Variants in HSD17B2 observed in about 807,000 individuals in gnomAD.
HSD17B2 encodes 17-beta-hydroxysteroid dehydrogenase type 2.
A neutral mutation model predicts 26.9 loss-of-function variants in HSD17B2; 32 were observed. The ratio of observed to expected loss-of-function variants is 1.19; its 90% CI spans 0.90 to 1.60. HSD17B2 has a LOEUF of 1.60. Ranked by LOEUF, HSD17B2 falls within the 40% of genes most tolerant of loss-of-function variation. The pLI is 0.00. For missense variants in HSD17B2, 613 were observed against 468.6 expected (o/e 1.31, Z -2.85); for synonymous variants, 246 against 186.7 (o/e 1.32, Z -2.59).
At chr16:82,077,001 A>G (rs1904305886) in intron 3 of HSD17B2, among the ~76,000 whole-genome samples, 1 of 152,226 alleles carries the variant, frequency 6.6e-6, no homozygotes, top group South Asian at 2.1e-4. Context: ...TATAATATTG[A>G]TGAAAGAAAT....
intron 4 of HSD17B2, chr16:82,091,729 G>C (rs1282301456): frequency 2.0e-5 from 3 of 152,940 alleles, no homozygotes; most frequent in Non-Finnish European, 4.4e-5. Flanking sequence ...GGTTGGGAAG[G>C]GGTTGTCATG....
At chr16:82,043,684 CAAA>C (rs398030034) in intron 1 of HSD17B2, among the ~76,000 whole-genome samples, 7 of 22,546 alleles carry the variant, frequency 3.1e-4, no homozygotes, top group African/African-American at 1.4e-3. Context: ...AACTCTGTCT[CAAA>C]AAAAAAAAAA....
At chr16:82,039,922 G>T (rs531371358) in intron 1 of HSD17B2, among the ~76,000 whole-genome samples, 9 of 152,274 alleles carry the variant, frequency 5.9e-5, no homozygotes, top group African/African-American at 2.2e-4. Context: ...GGCAGACACA[G>T]GTCTTGTGTG....
At chr16:82,071,325 T>C (rs779184711) in intron 3 of HSD17B2, 198 bp downstream of exon 3, 4 of 646,556 alleles carry the variant, frequency 6.2e-6, no homozygotes, top group Admixed American at 2.2e-5. Context: ...GAAACTCTTA[T>C]CTGCCTTCTA....
At chr16:82,055,321 T>C (rs1199368133) in intron 1 of HSD17B2, among the ~76,000 whole-genome samples, 1 of 152,220 alleles carries the variant, frequency 6.6e-6, no homozygotes, top group Non-Finnish European at 1.5e-5. Flanking sequence ...TGGCACCCAG[T>C]CACTATTCTG....
chr16:82,071,279 A>C, intron 3 of HSD17B2, 152 bp downstream of exon 3: 1 of 734,434 alleles, frequency 1.4e-6, no homozygotes, highest in Non-Finnish European at 2.4e-6. Flanking sequence ...TCTTATCACA[A>C]TAAAACCTTT....
rs35272646 is a variant in HSD17B2, at chr16:82,090,302, GTTTTTTTTTTTTTTTTTTTTTTT to G, written c.665-588_665-566del. ...CTCTTCATCTTACCTAAACTACATT[GTTTTTTTTTTTTTTTTTTTTTTT>G]TTTTTTTTTTTGAGACGGAGTTTCA... On this transcript the variant is annotated intron_variant, in intron 3 of 4. Coordinates refer to ENST00000199936, the MANE Select transcript of HSD17B2 (RefSeq NM_002153.3). 6 of 40,078 alleles carry G rather than the reference GTTTTTTTTTTTTTTTTTTTTTTT, an allele frequency of 1.5e-4. 1 individual carries two copies. Among genetic ancestry groups the G allele is most frequent in the South Asian group, 1.2e-3 (1 of 818 alleles). 2.5% of individuals were successfully genotyped at this position (40,078 alleles called of 1,614,324 possible). A position where few individuals can be genotyped will look rare whatever the true frequency, so the allele number is the denominator to read the frequency against.
intron 1 of HSD17B2, among the ~76,000 whole-genome samples, chr16:82,038,726 T>C (rs558358540): frequency 3.2e-4 from 49 of 152,268 alleles, no homozygotes; most frequent in African/African-American, 1.2e-3. Context: ...TGTGAGGATT[T>C]GTGGGAAAGA....
intron 3 of HSD17B2, among the ~76,000 whole-genome samples, chr16:82,072,250 T>A (rs1017290540): frequency 5.9e-5 from 9 of 152,144 alleles, no homozygotes; most frequent in African/African-American, 2.2e-4. Context: ...GGAGACGAAG[T>A]GTCCTCTAGG....
chr16:82,063,909 A>C (rs1288229316), intron 1 of HSD17B2, among the ~76,000 whole-genome samples: 1 of 152,190 alleles, frequency 6.6e-6, no homozygotes. Context: ...CTAACCACAA[A>C]AACAAAGAAA....
chr16:82,055,140 TG>T (rs776151725), intron 1 of HSD17B2, among the ~76,000 whole-genome samples: 6 of 152,242 alleles, frequency 3.9e-5, no homozygotes, highest in Non-Finnish European at 8.8e-5. Context: ...AAAGGCCACA[TG>T]GACTGGCCTT....
At chr16:82,069,235 G>C (rs1304932347) in intron 2 of HSD17B2, among the ~76,000 whole-genome samples, 3 of 152,212 alleles carry the variant, frequency 2.0e-5, no homozygotes, top group African/African-American at 7.2e-5. Context: ...CCCTGCAAAG[G>C]ATATGATCTC....
chr16:82,045,578 TA>T (rs1270352757), intron 1 of HSD17B2, among the ~76,000 whole-genome samples: 2 of 152,260 alleles, frequency 1.3e-5, no homozygotes, highest in African/African-American at 4.8e-5. Context: ...AAAAGGAATA[TA>T]GGCGATGAGA....
chr16:82,058,172 G>A (rs1203977192), intron 1 of HSD17B2, among the ~76,000 whole-genome samples: 1 of 151,916 alleles, frequency 6.6e-6, no homozygotes, highest in African/African-American at 2.4e-5. Context: ...CTGGGCTCAG[G>A]TGATTCTCCC....
At position 82,090,302 on chromosome 16, in the gene HSD17B2, G is replaced by GTTTTTTTTTTTTTTTTT. The variant is rs35272646; in HGVS notation, c.665-582_665-566dup. On this transcript the variant is annotated intron_variant, in intron 3 of 4. Coordinates refer to ENST00000199936, the MANE Select transcript of HSD17B2 (RefSeq NM_002153.3). Reference sequence around the variant, plus strand: ...CTCTTCATCTTACCTAAACTACATTGTTTTTTTTTTTTTTTTTTTTTTTTT... The same window carrying GTTTTTTTTTTTTTTTTT: ...CTCTTCATCTTACCTAAACTACATTGTTTTTTTTTTTTTTTTTTTTTTTTTTTTTTTTTTTTTTTTTT... 7.5e-5 allele frequency: 3 copies of GTTTTTTTTTTTTTTTTT among 40,086 alleles called. 1 individual carries two copies. The highest frequency in any genetic ancestry group is 2.3e-4 in the African/African-American group (2 of 8,592). 2.5% of individuals were successfully genotyped at this position (40,086 alleles called of 1,614,324 possible).
intron 3 of HSD17B2, among the ~76,000 whole-genome samples, chr16:82,088,754 G>C (rs568926076): frequency 6.6e-6 from 1 of 152,070 alleles, no homozygotes; most frequent in Non-Finnish European, 1.5e-5. Flanking sequence ...GGCCATCTGT[G>C]GCAAGATTAA....
chr16:82,075,965 T>C (rs1341015550), intron 3 of HSD17B2, among the ~76,000 whole-genome samples: 1 of 149,118 alleles, frequency 6.7e-6, no homozygotes, highest in East Asian at 2.0e-4. Flanking sequence ...TGAACGTTGA[T>C]GTAAAAATCC....
intron 4 of HSD17B2, chr16:82,096,371 C>A (rs1384103952): frequency 6.6e-6 from 1 of 152,030 alleles, no homozygotes; most frequent in African/African-American, 2.4e-5. Flanking sequence ...TCCAGGCACC[C>A]ACCACCATGC....
intron 1 of HSD17B2, among the ~76,000 whole-genome samples, chr16:82,053,435 T>C (rs944765363): frequency 2.2e-4 from 34 of 151,948 alleles, no homozygotes; most frequent in African/African-American, 8.2e-4. Flanking sequence ...TTTTATTTAT[T>C]TATTATTATT....
Sources: gnomAD v4.1 joint callset for allele counts (sites outside exome capture counted in the v4.1 genomes callset) on GRCh38, gnomAD v4.1.1 for gene constraint, MANE v1.5 for transcripts, NCBI Gene and HGNC (gene_info 2026-07-23, HGNC 2026-07-21) for gene names.